Variants in SDK2 observed in about 807,000 individuals in gnomAD.
SDK2 encodes protein sidekick-2.
In SDK2, 105 loss-of-function variants were observed where a neutral mutation model predicts 253.9. The ratio of observed to expected loss-of-function variants is 0.41; its 90% CI spans 0.35 to 0.49. The LOEUF is 0.49. Among genes scored for constraint, SDK2 ranks in the 20% least tolerant of loss-of-function variants. The pLI, the probability that SDK2 is intolerant of heterozygous loss-of-function variation, is 0.06. For synonymous variants in SDK2, 1,249 were observed against 1,234.9 expected (o/e 1.01, Z -0.24); for missense variants, 2,608 against 3,003.0 (o/e 0.87, Z 3.07).
chr17:73,521,952 G>A lies in SDK2; in HGVS notation c.65-14355C>T, dbSNP rs953049255. Among the ~76,000 whole-genome samples, 8 of 152,158 alleles carry A rather than the reference G, an allele frequency of 5.3e-5. No individual in the cohort carries two copies. In the South Asian group the frequency reaches 1.2e-3, roughly 24 times the overall value. On this transcript the variant is annotated intron_variant, in intron 1 of 44. Coordinates refer to ENST00000392650, the MANE Select transcript of SDK2 (RefSeq NM_001144952.2). Reference sequence around the variant, plus strand: ...CAGGTGCCAGGCCTCGTGCTGGTGCGTCAAGTGTATTTTCTTATTTGCACC... The same window carrying A: ...CAGGTGCCAGGCCTCGTGCTGGTGCATCAAGTGTATTTTCTTATTTGCACC...
chr17:73,478,785 C>T (rs1464434505), intron 2 of SDK2, among the ~76,000 whole-genome samples: 1 of 152,172 alleles, frequency 6.6e-6, no homozygotes, highest in African/African-American at 2.4e-5. Flanking sequence ...ATTTCAATTC[C>T]ACGAAGCTGT....
At position 73,614,807 on chromosome 17, in the gene SDK2, G is replaced by A. The variant is rs144479836; in HGVS notation, c.64+29218C>T. ...CAAGGATTGAAAAGGGGAAAGGAGG[G>A]AGGGGCATAAGGATTGAAAAGGCGG... On this transcript the variant is annotated intron_variant, in intron 1 of 44. Coordinates refer to ENST00000392650, the MANE Select transcript of SDK2 (RefSeq NM_001144952.2). 9.1e-3 allele frequency among the ~76,000 whole-genome samples: 1,273 copies of A among 139,896 alleles called. 19 individuals carry two copies. Among genetic ancestry groups the A allele is most frequent in the Non-Finnish European group, 0.016 (1,039 of 64,170 alleles). The allele number at this position is 139,896 out of a possible 152,430, so 91.8% of individuals were successfully genotyped here.
rs551228214 is a variant in SDK2 at position 73,374,310 on chromosome 17, T to C, written c.4980+4867A>G. Among the ~76,000 whole-genome samples the C allele has an allele frequency of 9.0e-5, 13 of 143,930 alleles. 1 individual carries two copies. Among genetic ancestry groups the C allele is most frequent in the Non-Finnish European group, 1.3e-4 (9 of 67,728 alleles). The allele number at this position is 143,930 out of a possible 152,430, so 94.4% of individuals were successfully genotyped here. ...ACTCTGTTCTGTCTCCCCTCGAATG[T>C]CCAACAGACGTCTCAAACCAAACAC... On this transcript the variant is annotated intron_variant, in intron 36 of 44. Coordinates refer to ENST00000392650, the MANE Select transcript of SDK2 (RefSeq NM_001144952.2).
In SDK2 at chr17:73,363,912, C is replaced by T. The variant is rs144206375; in HGVS notation, c.5305+1346G>A. Among the ~76,000 whole-genome samples, 1,101 of 152,088 alleles carry T rather than the reference C, an allele frequency of 7.2e-3. 14 individuals are homozygous for T. The highest frequency in any genetic ancestry group is 0.025 in the African/African-American group (1,052 of 41,460). On this transcript the variant is annotated intron_variant, in intron 38 of 44. Transcript: ENST00000392650. The stretch of plus-strand genomic sequence containing the variant: ...CTGGCTCCCCCCTGGTGTTCTAACA[C>T]ACAGCTCCCCTTTGCAGAACGAGCT...
chr17:73,412,018 ACGT>A (rs2063134083), intron 18 of SDK2, among the ~76,000 whole-genome samples: 1 of 55,814 alleles, frequency 1.8e-5, no homozygotes. Context: ...ATGTAGATAT[ACGT>A]ATATGTATAT....
At chr17:73,490,000 G>A (rs982353740) in intron 2 of SDK2, among the ~76,000 whole-genome samples, 1 of 152,186 alleles carries the variant, frequency 6.6e-6, no homozygotes, top group African/African-American at 2.4e-5. Flanking sequence ...TTACCATCAT[G>A]AGAACCTGCC....
intron 1 of SDK2, chr17:73,521,234 T>G (rs2064076804): frequency 6.6e-6 from 1 of 151,732 alleles, no homozygotes; most frequent in African/African-American, 2.4e-5. Flanking sequence ...AGAGATGAGG[T>G]TTTGACACGT....
intron 1 of SDK2, among the ~76,000 whole-genome samples, chr17:73,607,052 C>T (rs1460457066): frequency 3.9e-5 from 6 of 152,214 alleles, no homozygotes; most frequent in African/African-American, 7.2e-5. Flanking sequence ...CTTCCTCCCT[C>T]ATTCATTCCT....
chr17:73,360,386 T>G (rs756525626), intron 39 of SDK2, among the ~76,000 whole-genome samples: 2 of 152,094 alleles, frequency 1.3e-5, no homozygotes, highest in Admixed American at 1.3e-4. Flanking sequence ...GTCAGGCTAA[T>G]TGGGACTGCT....
chr17:73,506,672 A>G (rs1040238129), intron 2 of SDK2, among the ~76,000 whole-genome samples: 1 of 152,230 alleles, frequency 6.6e-6, no homozygotes, highest in South Asian at 2.1e-4. Context: ...CACCAGCCAC[A>G]GGGTTGGAGC....
chr17:73,401,759 C>A lies in SDK2; in HGVS notation c.2681-7G>T. 6.4e-7 allele frequency: 1 copy of A among 1,567,510 alleles called. No homozygotes were observed. The highest frequency in any genetic ancestry group is 8.7e-7 in the Non-Finnish European group (1 of 1,155,350). ...TGTCCCACGGGCCCAGGCACTGCAC[C>A]CCAAAAGGAACCCCCACCCCCCAAG... On this transcript the variant is annotated splice_region_variant and splice_polypyrimidine_tract_variant and intron_variant, in intron 19 of 44. Coordinates refer to ENST00000392650, the MANE Select transcript of SDK2 (RefSeq NM_001144952.2).
At chr17:73,589,104 T>C (rs1160025900) in intron 1 of SDK2, among the ~76,000 whole-genome samples, 1 of 152,272 alleles carries the variant, frequency 6.6e-6, no homozygotes, top group East Asian at 1.9e-4. Context: ...AAAGACAAAC[T>C]GCAGGCATCA....
chr17:73,416,633 AG>A (rs1316736063), intron 16 of SDK2, among the ~76,000 whole-genome samples: 4 of 152,068 alleles, frequency 2.6e-5, no homozygotes, highest in Non-Finnish European at 5.9e-5. Context: ...TCTTTCACCC[AG>A]GCTGGAGTGC....
At chr17:73,512,361 G>T (rs1283420137) in intron 1 of SDK2, among the ~76,000 whole-genome samples, 1 of 152,110 alleles carries the variant, frequency 6.6e-6, no homozygotes, top group African/African-American at 2.4e-5. Context: ...AGCTGCCAGT[G>T]GCTCCCCTCA....
chr17:73,488,421 A>G (rs1197226340), intron 2 of SDK2, among the ~76,000 whole-genome samples: 1 of 152,228 alleles, frequency 6.6e-6, no homozygotes, highest in African/African-American at 2.4e-5. Flanking sequence ...GAACGATATG[A>G]GCATCTGTGG....
chr17:73,510,266 C>G (rs553796598), intron 1 of SDK2, among the ~76,000 whole-genome samples: 47 of 152,290 alleles, frequency 3.1e-4, no homozygotes, highest in African/African-American at 9.6e-4. Flanking sequence ...GCTGGCCCTG[C>G]TGCACAGCAC....
At chr17:73,349,078 G>A (rs2062511378) in intron 43 of SDK2, among the ~76,000 whole-genome samples, 2 of 152,194 alleles carry the variant, frequency 1.3e-5, no homozygotes, top group Admixed American at 1.3e-4. Flanking sequence ...GCCTGGATGT[G>A]TGTGCACTGT....
intron 27 of SDK2, among the ~76,000 whole-genome samples, chr17:73,392,355 C>T (rs1303805431): frequency 2.0e-5 from 3 of 152,016 alleles, no homozygotes; most frequent in Middle Eastern, 3.4e-3. Context: ...CTGCAAGCTC[C>T]GCCTCCCGGG....
intron 4 of SDK2, among the ~76,000 whole-genome samples, chr17:73,450,776 C>T (rs544957366): frequency 8.5e-5 from 13 of 152,310 alleles, no homozygotes; most frequent in Middle Eastern, 3.4e-3. Flanking sequence ...GCTCGGGGAG[C>T]GCCACTAACA....
Sources: gnomAD v4.1 joint callset for allele counts (sites outside exome capture counted in the v4.1 genomes callset) on GRCh38, gnomAD v4.1.1 for gene constraint, MANE v1.5 for transcripts, NCBI Gene and HGNC (gene_info 2026-07-23, HGNC 2026-07-21) for gene names.